Variants in IQGAP3 observed in about 807,000 individuals in gnomAD.
IQGAP3 encodes ras GTPase-activating-like protein IQGAP3.
In IQGAP3, 165 loss-of-function variants were observed where a neutral mutation model predicts 208.2. That is an observed-to-expected ratio of 0.79 (90% CI 0.70 to 0.90). The LOEUF is 0.90. IQGAP3 is among the 40% of genes least tolerant of loss of function. The probability of loss-of-function intolerance (pLI) is 0.00; values close to 1 mark genes in which losing one functional copy is unlikely to be tolerated. For missense variants in IQGAP3, 1,811 were observed against 2,043.1 expected, an observed-to-expected ratio of 0.89 and a Z score of 2.19; for synonymous variants, 703 against 803.6, an observed-to-expected ratio of 0.87 and a Z score of 2.12.
intron 12 of IQGAP3, among the ~76,000 whole-genome samples, chr1:156,556,116 A>T (rs2489141): frequency 0.96 from 146,480 of 152,290 alleles, 70,712 homozygotes; most frequent in East Asian, 1. Flanking sequence ...TCCAACAGAC[A>T]GAAAGTCCCT....
intron 11 of IQGAP3, among the ~76,000 whole-genome samples, chr1:156,560,069 A>G (rs1248186989): frequency 6.6e-6 from 1 of 152,236 alleles, no homozygotes; most frequent in Non-Finnish European, 1.5e-5. Context: ...TAAACCTGAC[A>G]GCAAGTCCAG....
chr1:156,534,045 C>T lies in IQGAP3; in HGVS notation c.3837G>A (p.Val1279=). Residue 1279 remains valine (V), a synonymous_variant, in exon 30 of 38, where the codon GTG becomes GTA. Transcript: ENST00000361170. ...TGACCAGCTCCCCCACGGTGATGTA[C>T]ACCATGGGTTTGGCCACAGCCACCA... ...SDMVAVAKPM[V]YITVGELVNT... is the part of the protein sequence containing the mutation. 1 of 1,614,032 alleles carries T rather than the reference C, an allele frequency of 6.2e-7. No homozygotes were observed. Among genetic ancestry groups the T allele is most frequent in the Non-Finnish European group, 8.5e-7 (1 of 1,180,030 alleles).
Position 156,534,072 on chromosome 1 carries a change from G to T in IQGAP3, c.3810C>A (p.Asp1270Glu). The change falls in exon 30 of 38, where the codon GAC becomes GAA. Residue 1270 changes from aspartate (D) to glutamate (E), a missense_variant. Coordinates refer to ENST00000361170, the MANE Select transcript of IQGAP3 (RefSeq NM_178229.5). ...CCATGGGTTTGGCCACAGCCACCAT[G>T]TCTGAGTACTCGTCCACTGCAAAAC... ...EERFAVDEYS[D>E]MVAVAKPMVY... The T allele has an allele frequency of 6.2e-7, 1 of 1,614,064 alleles. No individual in the cohort carries two copies. Among genetic ancestry groups the T allele is most frequent in the African/African-American group, 1.3e-5 (1 of 75,038 alleles).
Position 156,548,718 on chromosome 1 carries a change from G to A in IQGAP3, c.1856C>T (p.Ala619Val), listed in dbSNP as rs1210157480. The A allele has an allele frequency of 8.2e-6, 13 of 1,591,986 alleles. No individual in the cohort carries two copies. The highest frequency in any genetic ancestry group is 1.1e-5 in the Non-Finnish European group (13 of 1,168,560). Reference sequence around the variant, plus strand: ...CTGGGCTGCCTTGCCCTCCTTGATGGCTTGATTGATGGCAGCCACACCAAG... The same window carrying A: ...CTGGGCTGCCTTGCCCTCCTTGATGACTTGATTGATGGCAGCCACACCAAG... ...MALGVAAINQ[A>V]IKEGKAAQTE... The change falls in exon 17 of 38, where the codon GCC becomes GTC. Residue 619 changes from alanine to valine, a missense_variant. Transcript: ENST00000361170.
rs201681713 is a variant in IQGAP3 at position 156,531,611 on chromosome 1, T to TG, written c.4104-365_4104-364insC. Among the ~76,000 whole-genome samples, 25 of 150,066 alleles carry TG rather than the reference T, an allele frequency of 1.7e-4. 2 individuals carry two copies. The East Asian group carries it at 4.9e-3, about 30-fold the overall frequency. On this transcript the variant is annotated intron_variant, in intron 32 of 37. Coordinates refer to ENST00000361170, the MANE Select transcript of IQGAP3 (RefSeq NM_178229.5). ...TGATACTCAGCTCACTTGTTTTTTT[T>TG]TTTTTTTTTTGAGATAGAGTTTCAC... is the stretch of plus-strand genomic sequence containing the variant.
chr1:156,550,557 C>T (rs972414034), intron 15 of IQGAP3, among the ~76,000 whole-genome samples: 1 of 152,152 alleles, frequency 6.6e-6, no homozygotes. Flanking sequence ...CTCTCTTATC[C>T]TATTGGGCTT....
intron 19 of IQGAP3, among the ~76,000 whole-genome samples, chr1:156,545,158 C>G (rs763776176): frequency 1.3e-5 from 2 of 152,190 alleles, no homozygotes; most frequent in Non-Finnish European, 2.9e-5. Context: ...TGATCTGCTG[C>G]AAAGGGCCCA....
In IQGAP3 at chr1:156,566,070, ATGT is replaced by A. The variant is rs1290416723; in HGVS notation, c.314_316del (p.Asn105del). On this transcript the variant is annotated inframe_deletion, in exon 4 of 38. Transcript: ENST00000361170. ...GGCTATTGCAGATAGCCAAAAGTTG[ATGT>A]TGTCTGTGTGACGGAAATGTAAGCC... 1.9e-6 allele frequency: 3 copies of A among 1,613,920 alleles called. No homozygotes were observed. The highest frequency in any genetic ancestry group is 2.5e-6 in the Non-Finnish European group (3 of 1,179,832).
chr1:156,543,100 C>T (rs11581545), intron 22 of IQGAP3, among the ~76,000 whole-genome samples: 3,459 of 152,024 alleles, frequency 0.023, 82 homozygotes, highest in Middle Eastern at 0.041. Flanking sequence ...CCAGAAAAAC[C>T]ATAAACTGAA....
At chr1:156,526,649 C>T in intron 37 of IQGAP3, 50 bp from the exon 38 acceptor site, 1 of 1,269,816 alleles carries the variant, frequency 7.9e-7, no homozygotes, top group Non-Finnish European at 1.2e-6. Context: ...TGAATGTGGT[C>T]CAGTCAGATG....
intron 31 of IQGAP3, 149 bp from the exon 32 acceptor site, chr1:156,533,255 C>A: frequency 3.1e-6 from 3 of 962,840 alleles, no homozygotes; most frequent in Admixed American, 4.2e-5. Context: ...CACTGGCCTG[C>A]AGAACTACCC....
chr1:156,541,917 C>T (rs1275550018), intron 22 of IQGAP3, among the ~76,000 whole-genome samples: 3 of 152,120 alleles, frequency 2.0e-5, no homozygotes, highest in Non-Finnish European at 4.4e-5. Context: ...CCCCAGATGT[C>T]GGTGAAAAGG....
intron 2 of IQGAP3, 148 bp downstream of exon 2, chr1:156,569,227 CA>C (rs11332475): frequency 0.86 from 328,650 of 381,772 alleles, 137,816 homozygotes; most frequent in African/African-American, 0.93. Context: ...GGATTTGCTT[CA>C]AAAAAAAAAA....
chr1:156,556,154 AGAG>A (rs1325983012), intron 12 of IQGAP3, among the ~76,000 whole-genome samples: 17 of 152,310 alleles, frequency 1.1e-4, no homozygotes, highest in Middle Eastern at 3.4e-3. Flanking sequence ...TTTCACTGTC[AGAG>A]AAGAACTATG....
At chr1:156,563,398 T>C in intron 7 of IQGAP3, 86 bp from the exon 8 acceptor site, 6 of 1,439,682 alleles carry the variant, frequency 4.2e-6, no homozygotes, top group Admixed American at 2.2e-5. Context: ...TCTAATGTCA[T>C]CCTTTTTCCC....
At chr1:156,556,933 T>TGTCATGG (rs770984633) in intron 11 of IQGAP3, among the ~76,000 whole-genome samples, 1 of 44,984 alleles carries the variant, frequency 2.2e-5, no homozygotes, top group African/African-American at 5.5e-5. Context: ...TAGCTCAGCC[T>TGTCATGG]CTGCCCCGCC....
Position 156,529,309 on chromosome 1 carries a change from T to C in IQGAP3, c.4405-227A>G, listed in dbSNP as rs554703762. On this transcript the variant is annotated intron_variant, in intron 34 of 37. Coordinates refer to ENST00000361170, the MANE Select transcript of IQGAP3 (RefSeq NM_178229.5). Reference sequence around the variant, plus strand: ...ACTGGTTTCAAGGCTGTTTGTTTTTTAGTAAAAGAAAGTTGCAAGGATACT... The same window carrying C: ...ACTGGTTTCAAGGCTGTTTGTTTTTCAGTAAAAGAAAGTTGCAAGGATACT... Among the ~76,000 whole-genome samples, 7 of 152,338 alleles carry C rather than the reference T, an allele frequency of 4.6e-5. No homozygotes were observed. In the South Asian group the frequency reaches 6.2e-4, roughly 14 times the overall value.
In IQGAP3 at chr1:156,534,860, C is replaced by T. The variant is rs371704700; in HGVS notation, c.3508-127G>A. On this transcript the variant is annotated intron_variant, in intron 28 of 37. Coordinates refer to ENST00000361170, the MANE Select transcript of IQGAP3 (RefSeq NM_178229.5). ...CCCCCTCACTTCAAAGAAAACAGGCCCAGAGCAGGCAGACAACTTGCTTAA... is the reference window on the plus strand; with the variant it reads ...CCCCCTCACTTCAAAGAAAACAGGCTCAGAGCAGGCAGACAACTTGCTTAA... The T allele has an allele frequency of 4.2e-6, 3 of 716,696 alleles. No individual in the cohort carries two copies. In the African/African-American group the frequency reaches 5.4e-5, roughly 13 times the overall value. 44.4% of individuals were successfully genotyped at this position (716,696 alleles called of 1,614,324 possible). A position where few individuals can be genotyped will look rare whatever the true frequency, so the allele number is the denominator to read the frequency against.
At chr1:156,562,467 A>C in intron 9 of IQGAP3, 120 bp downstream of exon 9, 8 of 794,834 alleles carry the variant, frequency 1.0e-5, no homozygotes, top group African/African-American at 1.7e-5. Flanking sequence ...CTCCGAGGCA[A>C]GAGTTGGCCC....
Sources: allele counts gnomAD v4.1 joint callset (sites outside exome capture counted in the v4.1 genomes callset), GRCh38; gene constraint gnomAD v4.1.1; transcripts MANE v1.5; gene names NCBI Gene and HGNC (gene_info 2026-07-23, HGNC 2026-07-21).